The following LRRC4C variants were observed in gnomAD, a reference collection of about 807,000 sequenced individuals.
LRRC4C encodes leucine rich repeat containing 4C.
In LRRC4C, 5 loss-of-function variants were observed where a neutral mutation model predicts 33.6. The ratio of observed to expected loss-of-function variants is 0.15; its 90% CI spans 0.08 to 0.31. LRRC4C has a LOEUF of 0.31. Ranked by LOEUF, LRRC4C falls within the 10% of genes least tolerant of loss-of-function variation. The probability of loss-of-function intolerance (pLI) is 1.00; values close to 1 mark genes in which losing one functional copy is unlikely to be tolerated. For missense variants in LRRC4C, 560 were observed against 796.7 expected (o/e 0.70, Z 3.58); for synonymous variants, 329 against 302.0 (o/e 1.09, Z -0.93).
chr11:41,324,184 A>C (rs1340904984), intron 1 of LRRC4C, among the ~76,000 whole-genome samples: 1 of 152,080 alleles, frequency 6.6e-6, no homozygotes, highest in Non-Finnish European at 1.5e-5. Flanking sequence ...TAATCCCAGC[A>C]CTTTGGGAGG....
intron 3 of LRRC4C, among the ~76,000 whole-genome samples, chr11:40,360,147 C>T (rs536493374): frequency 6.6e-6 from 1 of 152,148 alleles, no homozygotes; most frequent in Non-Finnish European, 1.5e-5. Flanking sequence ...GTATGAGAGA[C>T]TCTTTGAAAG....
chr11:41,250,176 AAAAC>A (rs1387309501), intron 1 of LRRC4C, among the ~76,000 whole-genome samples: 1 of 152,146 alleles, frequency 6.6e-6, no homozygotes, highest in Non-Finnish European at 1.5e-5. Flanking sequence ...CTCAAAAAAC[AAAAC>A]AAACAAACAA....
chr11:41,435,658 G>A (rs771396255), intron 1 of LRRC4C, among the ~76,000 whole-genome samples: 33 of 152,200 alleles, frequency 2.2e-4, no homozygotes, highest in Non-Finnish European at 3.5e-4. Context: ...CATGAGAATC[G>A]CATGGTTATT....
chr11:41,080,619 C>G (rs1381123291), intron 1 of LRRC4C, among the ~76,000 whole-genome samples: 1 of 152,114 alleles, frequency 6.6e-6, no homozygotes, highest in Non-Finnish European at 1.5e-5. Context: ...TCCCAAAGTG[C>G]TGGGATTACA....
chr11:40,776,826 A>G (rs1312878554), intron 2 of LRRC4C, among the ~76,000 whole-genome samples: 1 of 151,980 alleles, frequency 6.6e-6, no homozygotes, highest in Non-Finnish European at 1.5e-5. Flanking sequence ...TTAGATAGTT[A>G]ATTTGAGTTA....
intron 6 of LRRC4C, among the ~76,000 whole-genome samples, chr11:40,140,305 G>C (rs542781155): frequency 6.6e-6 from 1 of 152,280 alleles, no homozygotes; most frequent in South Asian, 2.1e-4. Flanking sequence ...CATGGAAACA[G>C]TGCTACAGAA....
At chr11:40,365,251 TA>T (rs1264360643) in intron 3 of LRRC4C, among the ~76,000 whole-genome samples, 2 of 152,236 alleles carry the variant, frequency 1.3e-5, no homozygotes, top group Admixed American at 1.3e-4. Flanking sequence ...AAATATGATT[TA>T]AAAATGTAGA....
chr11:41,200,761 C>T (rs1946372011), intron 1 of LRRC4C, among the ~76,000 whole-genome samples: 1 of 152,106 alleles, frequency 6.6e-6, no homozygotes, highest in South Asian at 2.1e-4. Context: ...TCTTTTAAAA[C>T]AGTATTTTTG....
At chr11:41,296,220 C>A (rs1950137616) in intron 1 of LRRC4C, among the ~76,000 whole-genome samples, 1 of 152,206 alleles carries the variant, frequency 6.6e-6, no homozygotes, top group Non-Finnish European at 1.5e-5. Context: ...CCGATAGGAT[C>A]TTCCCTGCTT....
In LRRC4C at chr11:40,498,998, T is replaced by A. The variant is rs183117084; in HGVS notation, c.-270+149144A>T. Among the ~76,000 whole-genome samples, 609 of 152,282 alleles carry A rather than the reference T, an allele frequency of 4.0e-3. 11 individuals are homozygous for A. Among genetic ancestry groups the A allele is most frequent in the Non-Finnish European group, 1.0e-3 (71 of 68,034 alleles). On this transcript the variant is annotated intron_variant, in intron 3 of 6. Coordinates refer to ENST00000528697, the MANE Select transcript of LRRC4C (RefSeq NM_001258419.2). ...TCCTCTCCCCATGTTACCAGGGGAC[T>A]TTTCATTGTACATTAATTTTGAAAT...
chr11:40,602,535 T>C (rs7128140), intron 3 of LRRC4C, among the ~76,000 whole-genome samples: 65,875 of 151,018 alleles, frequency 0.44, 15,307 homozygotes, highest in Middle Eastern at 0.57. Flanking sequence ...TATCACAATA[T>C]AGAAAAAAAT....
chr11:40,913,797 C>A (rs1956809025), intron 2 of LRRC4C, among the ~76,000 whole-genome samples: 3 of 152,030 alleles, frequency 2.0e-5, no homozygotes, highest in Admixed American at 6.6e-5. Context: ...TGGTAGACCA[C>A]TAGTAAGACT....
intron 1 of LRRC4C, among the ~76,000 whole-genome samples, chr11:41,069,287 T>C (rs1938504176): frequency 6.6e-6 from 1 of 152,186 alleles, no homozygotes; most frequent in Non-Finnish European, 1.5e-5. Context: ...ATACAAGCTA[T>C]TTATGACAAA....
At chr11:40,993,046 C>T (rs1565280729) in intron 1 of LRRC4C, among the ~76,000 whole-genome samples, 1 of 152,152 alleles carries the variant, frequency 6.6e-6, no homozygotes, top group Admixed American at 6.5e-5. Context: ...AACACACTTA[C>T]TAGAGAACTA....
chr11:40,512,242 G>T (rs1047150618), intron 3 of LRRC4C, among the ~76,000 whole-genome samples: 7 of 152,034 alleles, frequency 4.6e-5, no homozygotes, highest in African/African-American at 1.7e-4. Flanking sequence ...AGTTGTGGTG[G>T]TACACACCCG....
intron 1 of LRRC4C, among the ~76,000 whole-genome samples, chr11:40,990,120 A>G (rs898552475): frequency 2.0e-5 from 3 of 150,452 alleles, no homozygotes; most frequent in Non-Finnish European, 3.0e-5. Flanking sequence ...GGTGATTGTA[A>G]TTTCTAGCTA....
chr11:40,414,070 A>G (rs1038484176), intron 3 of LRRC4C, among the ~76,000 whole-genome samples: 3 of 152,092 alleles, frequency 2.0e-5, no homozygotes, highest in African/African-American at 7.2e-5. Flanking sequence ...TTCTGCAACA[A>G]TATTTACATA....
intron 1 of LRRC4C, among the ~76,000 whole-genome samples, chr11:41,028,571 ACACAC>A: frequency 3.9e-4 from 1 of 2,546 alleles, no homozygotes; most frequent in African/African-American, 4.9e-4. Context: ...AGTATTCACG[ACACAC>A]ACACACACAC....
chr11:41,219,575 A>G (rs2136372965), intron 1 of LRRC4C, among the ~76,000 whole-genome samples: 3 of 152,342 alleles, frequency 2.0e-5, no homozygotes, highest in Middle Eastern at 3.4e-3. Context: ...TATCGCCTGA[A>G]GGAATTTCCA....
Sources: gnomAD v4.1 joint callset for allele counts (sites outside exome capture counted in the v4.1 genomes callset) on GRCh38, gnomAD v4.1.1 for gene constraint, MANE v1.5 for transcripts, NCBI Gene and HGNC (gene_info 2026-07-23, HGNC 2026-07-21) for gene names.